Variants in SEMA3E observed in about 807,000 individuals in gnomAD.
SEMA3E encodes the protein semaphorin 3E.
Under a neutral mutation model 93.6 loss-of-function variants are expected in SEMA3E, and 49 were observed. The observed-to-expected ratio is 0.52, with a 90% CI of 0.42 to 0.66. SEMA3E has a LOEUF of 0.66. SEMA3E is among the 30% of genes least tolerant of loss of function. SEMA3E has a pLI of 0.00. For missense variants in SEMA3E, 906 were observed against 964.8 expected, an observed-to-expected ratio of 0.94 and a Z score of 0.81; for synonymous variants, 363 against 330.7, an observed-to-expected ratio of 1.10 and a Z score of -1.06.
At chr7:83,494,703 T>C (rs1245648286) in intron 1 of SEMA3E, among the ~76,000 whole-genome samples, 1 of 151,994 alleles carries the variant, frequency 6.6e-6, no homozygotes, top group African/African-American at 2.4e-5. Context: ...CGCTTCACTG[T>C]ACTGATTCTA....
At chr7:83,642,315 TA>T (rs1284813990) in intron 1 of SEMA3E, among the ~76,000 whole-genome samples, 4 of 152,146 alleles carry the variant, frequency 2.6e-5, no homozygotes, top group Non-Finnish European at 5.9e-5. Flanking sequence ...AAATAGGTGT[TA>T]GAACTAGGGC....
intron 1 of SEMA3E, among the ~76,000 whole-genome samples, chr7:83,612,104 A>G (rs769736815): frequency 2.6e-5 from 4 of 152,072 alleles, no homozygotes; most frequent in Non-Finnish European, 5.9e-5. Context: ...CTCTACTCAC[A>G]TATATCACCT....
chr7:83,491,282 T>C (rs1339062735), intron 1 of SEMA3E, among the ~76,000 whole-genome samples: 1 of 152,034 alleles, frequency 6.6e-6, no homozygotes, highest in Non-Finnish European at 1.5e-5. Flanking sequence ...ATTAATAATA[T>C]ATTCCTTATC....
At position 83,639,110 on chromosome 7, in the gene SEMA3E, C is replaced by CAAA. The variant is rs1172097095; in HGVS notation, c.115+9315_115+9317dup. Among the ~76,000 whole-genome samples, 19 of 27,456 alleles carry CAAA rather than the reference C, an allele frequency of 6.9e-4. 3 individuals carry two copies. Among genetic ancestry groups the CAAA allele is most frequent in the African/African-American group, 1.0e-3 (5 of 4,778 alleles). 18.0% of individuals were successfully genotyped at this position (27,456 alleles called of 152,430 possible). ...TGGGCGACAGAGCGAGACTCCGTCT[C>CAAA]AAAAAAAAAAAAAAAAAAAAAAAAA... is the stretch of plus-strand genomic sequence containing the variant. On this transcript the variant is annotated intron_variant, in intron 1 of 16. Transcript: ENST00000643230.
At chr7:83,550,154 A>G (rs1158429595) in intron 1 of SEMA3E, among the ~76,000 whole-genome samples, 1 of 152,160 alleles carries the variant, frequency 6.6e-6, no homozygotes, top group African/African-American at 2.4e-5. Flanking sequence ...CTTCGATATT[A>G]AACACATATG....
chr7:83,516,182 A>C (rs1270687602), intron 1 of SEMA3E, among the ~76,000 whole-genome samples: 1 of 152,164 alleles, frequency 6.6e-6, no homozygotes, highest in African/African-American at 2.4e-5. Context: ...AGTTTTATTC[A>C]TTAATTTAAT....
At chr7:83,553,068 A>G (rs1562830049) in intron 1 of SEMA3E, among the ~76,000 whole-genome samples, 1 of 150,872 alleles carries the variant, frequency 6.6e-6, no homozygotes, top group Non-Finnish European at 1.5e-5. Flanking sequence ...CCCCTTTTGA[A>G]AACCTTAATA....
intron 1 of SEMA3E, among the ~76,000 whole-genome samples, chr7:83,493,002 G>C (rs776785562): frequency 6.6e-6 from 1 of 151,930 alleles, no homozygotes; most frequent in Non-Finnish European, 1.5e-5. Context: ...CAATAATTGC[G>C]TAGGTAAACT....
chr7:83,533,299 T>G (rs1791342711), intron 1 of SEMA3E, among the ~76,000 whole-genome samples: 1 of 152,096 alleles, frequency 6.6e-6, no homozygotes, highest in Non-Finnish European at 1.5e-5. Flanking sequence ...CCCAACACTT[T>G]GGGAGGCCAA....
intron 1 of SEMA3E, among the ~76,000 whole-genome samples, chr7:83,552,868 A>C (rs10954729): frequency 0.21 from 32,593 of 151,776 alleles, 3,661 homozygotes; most frequent in Middle Eastern, 0.3. Context: ...TGAACATAGA[A>C]CCTTATCAGT....
intron 1 of SEMA3E, among the ~76,000 whole-genome samples, chr7:83,550,215 T>A (rs1791737115): frequency 6.6e-6 from 1 of 152,146 alleles, no homozygotes; most frequent in Non-Finnish European, 1.5e-5. Context: ...AACACCCACA[T>A]TCACAATTGC....
chr7:83,431,262 T>C (rs1788877808), intron 4 of SEMA3E, among the ~76,000 whole-genome samples: 1 of 151,734 alleles, frequency 6.6e-6, no homozygotes, highest in Non-Finnish European at 1.5e-5. Flanking sequence ...TAAAATAAAG[T>C]TTTGAGAAGG....
At chr7:83,644,285 A>G (rs1334507993) in intron 1 of SEMA3E, among the ~76,000 whole-genome samples, 1 of 151,958 alleles carries the variant, frequency 6.6e-6, no homozygotes, top group East Asian at 1.9e-4. Context: ...GAGGTCAAAG[A>G]TATGGAAGAT....
chr7:83,550,566 A>G (rs1343720646), intron 1 of SEMA3E, among the ~76,000 whole-genome samples: 5 of 152,132 alleles, frequency 3.3e-5, no homozygotes, highest in African/African-American at 1.2e-4. Flanking sequence ...ATGAGAAGCT[A>G]TTATCTGACA....
intron 1 of SEMA3E, among the ~76,000 whole-genome samples, chr7:83,535,578 C>A (rs1041154503): frequency 6.6e-6 from 1 of 151,982 alleles, no homozygotes; most frequent in South Asian, 2.1e-4. Flanking sequence ...CTATCAATGA[C>A]CCTGAGAATC....
At chr7:83,392,502 G>C in intron 14 of SEMA3E, 53 bp downstream of exon 14, 1 of 1,414,754 alleles carries the variant, frequency 7.1e-7, no homozygotes, top group Non-Finnish European at 9.7e-7. Flanking sequence ...AAAAAAAAAA[G>C]CATTAGGGTT....
chr7:83,508,612 T>C (rs1167484870), intron 1 of SEMA3E, among the ~76,000 whole-genome samples: 2 of 152,196 alleles, frequency 1.3e-5, no homozygotes. Context: ...TGTAACTCCT[T>C]CTATAAAATC....
At chr7:83,564,131 A>G (rs943785424) in intron 1 of SEMA3E, among the ~76,000 whole-genome samples, 13 of 152,222 alleles carry the variant, frequency 8.5e-5, no homozygotes, top group Admixed American at 2.0e-4. Flanking sequence ...ACTTTCTCTA[A>G]AAAGCCATTA....
chr7:83,398,235 A>C (rs540345401), intron 11 of SEMA3E, among the ~76,000 whole-genome samples: 152 of 152,320 alleles, frequency 1.0e-3, no homozygotes, highest in African/African-American at 3.6e-3. Context: ...TCAATATGAC[A>C]AGCAAGTATT....
Sources: allele counts gnomAD v4.1 joint callset (sites outside exome capture counted in the v4.1 genomes callset), GRCh38; gene constraint gnomAD v4.1.1; transcripts MANE v1.5; gene names NCBI Gene and HGNC (gene_info 2026-07-23, HGNC 2026-07-21).